Variants in AK5 observed in about 807,000 individuals in gnomAD.
AK5 encodes the protein adenylate kinase 5.
Under a neutral mutation model 69.5 loss-of-function variants are expected in AK5, and 27 were observed. The observed-to-expected ratio is 0.39, with a 90% CI of 0.29 to 0.54. The LOEUF (loss-of-function observed/expected upper bound fraction) is 0.54. Ranked by LOEUF, AK5 falls within the 20% of genes least tolerant of loss-of-function variation. The probability of loss-of-function intolerance (pLI) is 0.71; values close to 1 mark genes in which losing one functional copy is unlikely to be tolerated. For missense variants in AK5, 531 were observed against 700.4 expected, an observed-to-expected ratio of 0.76 and a Z score of 2.73; for synonymous variants, 260 against 244.4, an observed-to-expected ratio of 1.06 and a Z score of -0.60.
At chr1:77,321,686 T>C (rs1660543537) in intron 5 of AK5, among the ~76,000 whole-genome samples, 1 of 152,114 alleles carries the variant, frequency 6.6e-6, no homozygotes, top group South Asian at 2.1e-4. Flanking sequence ...CCCCCTAATA[T>C]TGGGAATTGT....
chr1:77,392,770 T>G (rs932403804), intron 6 of AK5, among the ~76,000 whole-genome samples: 15 of 128,540 alleles, frequency 1.2e-4, no homozygotes, highest in Non-Finnish European at 1.4e-4. Flanking sequence ...GATTGCTGGG[T>G]TTTTTTTTTA....
intron 8 of AK5, among the ~76,000 whole-genome samples, chr1:77,473,769 A>G (rs898300219): frequency 1.3e-5 from 2 of 152,228 alleles, no homozygotes; most frequent in African/African-American, 4.8e-5. Flanking sequence ...GGAAAAACGA[A>G]TTCTGCACAT....
intron 13 of AK5, among the ~76,000 whole-genome samples, chr1:77,542,811 G>A (rs1249651309): frequency 1.3e-5 from 2 of 151,772 alleles, no homozygotes; most frequent in African/African-American, 2.4e-5. Flanking sequence ...TATACATTTT[G>A]TTCATGGCAT....
chr1:77,325,048 C>T (rs1237173865), intron 5 of AK5, among the ~76,000 whole-genome samples: 3 of 148,204 alleles, frequency 2.0e-5, no homozygotes, highest in African/African-American at 7.5e-5. Context: ...TCTCGGCTCA[C>T]TACACTGCAA....
intron 8 of AK5, among the ~76,000 whole-genome samples, chr1:77,427,629 C>T (rs553203855): frequency 1.8e-4 from 28 of 152,174 alleles, no homozygotes; most frequent in African/African-American, 5.5e-4. Context: ...GAACCATTCT[C>T]TATATACCAA....
chr1:77,473,725 G>C (rs1174930701), intron 8 of AK5, among the ~76,000 whole-genome samples: 1 of 152,162 alleles, frequency 6.6e-6, no homozygotes, highest in Non-Finnish European at 1.5e-5. Context: ...GGTGCAAAAA[G>C]ATAAAAGACA....
chr1:77,380,717 G>T (rs1427076189), intron 6 of AK5, among the ~76,000 whole-genome samples: 1 of 152,154 alleles, frequency 6.6e-6, no homozygotes. Context: ...AACAGTCCTG[G>T]GTACCATGTG....
At chr1:77,297,297 T>G (rs1207099290) in intron 3 of AK5, among the ~76,000 whole-genome samples, 2 of 152,198 alleles carry the variant, frequency 1.3e-5, no homozygotes, top group Non-Finnish European at 2.9e-5. Context: ...GTTCAAAAAT[T>G]TTTTTAATTA....
At chr1:77,389,926 C>A (rs1648307537) in intron 6 of AK5, among the ~76,000 whole-genome samples, 1 of 151,778 alleles carries the variant, frequency 6.6e-6, no homozygotes, top group Non-Finnish European at 1.5e-5. Flanking sequence ...CTCACCACTG[C>A]ACTCCAAGTT....
At chr1:77,545,210 C>T (rs1434294560) in intron 13 of AK5, among the ~76,000 whole-genome samples, 2 of 152,158 alleles carry the variant, frequency 1.3e-5, no homozygotes, top group Non-Finnish European at 2.9e-5. Flanking sequence ...CACCTCTCCT[C>T]ACTTCCTCCT....
intron 5 of AK5, among the ~76,000 whole-genome samples, chr1:77,326,010 G>A (rs1190277896): frequency 2.0e-5 from 3 of 152,134 alleles, no homozygotes; most frequent in Admixed American, 6.5e-5. Context: ...TTTCTTATAT[G>A]TAGGATGTGC....
intron 13 of AK5, among the ~76,000 whole-genome samples, chr1:77,554,344 C>T (rs1659966368): frequency 6.6e-6 from 1 of 152,182 alleles, no homozygotes; most frequent in Admixed American, 6.5e-5. Flanking sequence ...CTGACACCTG[C>T]TGAGAGGAGC....
At chr1:77,310,150 T>C (rs1350453556) in intron 5 of AK5, among the ~76,000 whole-genome samples, 2 of 152,152 alleles carry the variant, frequency 1.3e-5, no homozygotes, top group Admixed American at 1.3e-4. Flanking sequence ...ATGTTTTGAA[T>C]GGAAATGAAA....
intron 5 of AK5, among the ~76,000 whole-genome samples, chr1:77,301,871 G>T (rs1659361135): frequency 6.6e-6 from 1 of 152,150 alleles, no homozygotes; most frequent in African/African-American, 2.4e-5. Context: ...TGCCCTGGCA[G>T]TTCCTCTGAG....
chr1:77,315,406 A>G (rs1159343409), intron 5 of AK5, among the ~76,000 whole-genome samples: 5 of 152,148 alleles, frequency 3.3e-5, no homozygotes, highest in Non-Finnish European at 7.3e-5. Flanking sequence ...AAGAAGGAGA[A>G]ATGAAGGTGA....
At chr1:77,353,596 C>A (rs114629380) in intron 6 of AK5, among the ~76,000 whole-genome samples, 121 of 152,332 alleles carry the variant, frequency 7.9e-4, no homozygotes, top group African/African-American at 2.8e-3. Context: ...CTAAACTGCG[C>A]AGTCTTACTC....
intron 8 of AK5, among the ~76,000 whole-genome samples, chr1:77,480,101 T>G (rs554817735): frequency 1.1e-4 from 16 of 147,888 alleles, no homozygotes; most frequent in African/African-American, 4.0e-4. Context: ...AAACCAGAAG[T>G]GTTTCCCATT....
chr1:77,328,138 C>G (rs973967665), intron 5 of AK5, among the ~76,000 whole-genome samples: 6 of 152,242 alleles, frequency 3.9e-5, no homozygotes, highest in African/African-American at 1.2e-4. Context: ...GAAAAGACAT[C>G]TTGGGGAAAA....
intron 7 of AK5, among the ~76,000 whole-genome samples, chr1:77,414,065 G>A (rs1028657199): frequency 2.6e-5 from 4 of 152,192 alleles, no homozygotes; most frequent in African/African-American, 9.7e-5. Flanking sequence ...GACATTTAAT[G>A]TTTGTAGCAT....
Sources: gnomAD v4.1 joint callset for allele counts (sites outside exome capture counted in the v4.1 genomes callset) on GRCh38, gnomAD v4.1.1 for gene constraint, MANE v1.5 for transcripts, NCBI Gene and HGNC (gene_info 2026-07-23, HGNC 2026-07-21) for gene names.